PRPF31: variants seen among roughly 807,000 people sequenced by gnomAD.
PRPF31 encodes U4/U6 small nuclear ribonucleoprotein Prp31.
A neutral mutation model predicts 60.4 loss-of-function variants in PRPF31; 12 were observed. The ratio of observed to expected loss-of-function variants is 0.20; its 90% CI spans 0.13 to 0.32. The LOEUF is 0.32. Among genes scored for constraint, PRPF31 ranks in the 10% least tolerant of loss-of-function variants. PRPF31 has a pLI of 1.00. For missense variants in PRPF31, 431 were observed against 687.1 expected, an observed-to-expected ratio of 0.63 and a Z score of 4.17; for synonymous variants, 287 against 287.9, an observed-to-expected ratio of 1.00 and a Z score of 0.03.
intron 7 of PRPF31, 98 bp downstream of exon 7, chr19:54,124,016 T>C (rs2073859754): frequency 9.5e-6 from 15 of 1,572,208 alleles, no homozygotes; most frequent in African/African-American, 1.3e-5. Context: ...CTTTGGCACC[T>C]GGACCTCAGC....
intron 1 of PRPF31, among the ~76,000 whole-genome samples, chr19:54,117,387 T>C (rs1171170635): frequency 6.6e-6 from 1 of 152,006 alleles, no homozygotes; most frequent in Non-Finnish European, 1.5e-5. Context: ...ACAGGAGTGG[T>C]GCTGGGTACA....
chr19:54,126,536 G>A lies in PRPF31; in HGVS notation c.864G>A (p.Arg288=). The A allele has an allele frequency of 6.2e-7, 1 of 1,613,274 alleles. No homozygotes were observed. Among genetic ancestry groups the A allele is most frequent in the Non-Finnish European group, 8.5e-7 (1 of 1,179,706 alleles). ...GTTTTCCGTTGCTCCAGGATCTGCG[G>A]CGGAAAGCGGCCCGGCTGGTGGCCG... ...DIVQSLPPDL[R]RKAARLVAAK... Residue 288 remains arginine (R), a synonymous_variant, in exon 9 of 14, where the codon CGG becomes CGA. Coordinates refer to ENST00000321030, the MANE Select transcript of PRPF31 (RefSeq NM_015629.4).
intron 13 of PRPF31, 50 bp downstream of exon 13, chr19:54,129,420 C>G: frequency 1.3e-6 from 2 of 1,535,210 alleles, no homozygotes; most frequent in Non-Finnish European, 1.8e-6. Context: ...CTTGGCAAGG[C>G]CCCTTGCCCT....
chr19:54,130,475 CTT>C (rs2074025113), intron 13 of PRPF31, among the ~76,000 whole-genome samples: 1 of 152,016 alleles, frequency 6.6e-6, no homozygotes, highest in Non-Finnish European at 1.5e-5. Context: ...AATACAAAAA[CTT>C]AGCCGGGCGT....
At chr19:54,129,429 C>T (rs2074002355) in intron 13 of PRPF31, 59 bp downstream of exon 13, 1 of 1,520,864 alleles carries the variant, frequency 6.6e-7, no homozygotes, top group Non-Finnish European at 8.9e-7. Flanking sequence ...GCCCCTTGCC[C>T]TCTGCCCCTG....
At chr19:54,120,149 G>T (rs2073751547) in intron 3 of PRPF31, 1 of 152,330 alleles carries the variant, frequency 6.6e-6, no homozygotes, top group African/African-American at 2.4e-5. Flanking sequence ...GGGGGCCCAG[G>T]GAAAGACAGC....
At position 54,119,056 on chromosome 19, in the gene PRPF31, G is replaced by C. The variant is rs587673772; in HGVS notation, c.238+423G>C. ...ACTGGTATCATTTGGCAAAGACAAAGTCACTGTATAAAAATAGATATATAA... is the reference window on the plus strand; with the variant it reads ...ACTGGTATCATTTGGCAAAGACAAACTCACTGTATAAAAATAGATATATAA... On this transcript the variant is annotated intron_variant, in intron 3 of 13. Transcript: ENST00000321030. Among the ~76,000 whole-genome samples the C allele has an allele frequency of 2.6e-5, 4 of 152,130 alleles. No individual in the cohort carries two copies. The South Asian group carries it at 8.3e-4, about 32-fold the overall frequency.
chr19:54,124,121 T>G (rs1386359298), intron 7 of PRPF31: 2 of 1,135,238 alleles, frequency 1.8e-6, no homozygotes, highest in Non-Finnish European at 2.4e-6. Context: ...TCCTTCTCCC[T>G]CCCCTGTGCC....
chr19:54,117,573 G>A (rs587761733), intron 1 of PRPF31, among the ~76,000 whole-genome samples: 3 of 152,146 alleles, frequency 2.0e-5, no homozygotes, highest in South Asian at 2.1e-4. Context: ...GCGGCGAGGC[G>A]CGGTGGCTTA....
At position 54,115,811 on chromosome 19, in the gene PRPF31, G is replaced by A. The variant is rs4806711; in HGVS notation, c.-9+14G>A. On this transcript the variant is annotated intron_variant, in intron 1 of 13. Transcript: ENST00000321030. ...CGGAGAGGAGAGGTGAGTGTGATGG[G>A]GACCACGGGGAGCGGGAGGCTGGGC... is the stretch of plus-strand genomic sequence containing the variant. 179,586 of 219,942 alleles carry A rather than the reference G, an allele frequency of 0.82. 73,513 individuals carry two copies. The highest frequency in any genetic ancestry group is 0.88 in the African/African-American group (39,304 of 44,418). The allele number at this position is 219,942 out of a possible 1,614,324, so 13.6% of individuals were successfully genotyped here. A position where few individuals can be genotyped will look rare whatever the true frequency, so the allele number is the denominator to read the frequency against.
intron 13 of PRPF31, 125 bp from the exon 14 acceptor site, chr19:54,131,182 A>G: frequency 1.5e-6 from 2 of 1,371,276 alleles, no homozygotes; most frequent in Admixed American, 1.7e-5. Context: ...CTCCAGGGAC[A>G]GGCAAACTGT....
At chr19:54,119,149 G>A (rs2073725203) in intron 3 of PRPF31, among the ~76,000 whole-genome samples, 1 of 152,080 alleles carries the variant, frequency 6.6e-6, no homozygotes, top group Admixed American at 6.6e-5. Flanking sequence ...TTGGGAGGCG[G>A]AGGCAGGTGG....
chr19:54,129,599 A>C (rs1448421538), intron 13 of PRPF31, among the ~76,000 whole-genome samples: 1 of 141,868 alleles, frequency 7.0e-6, no homozygotes, highest in East Asian at 2.1e-4. Context: ...CTTTAGAACC[A>C]GGCCCACAGC....
chr19:54,129,484 G>A lies in PRPF31; in HGVS notation c.1374+114G>A, dbSNP rs2074003270. ...TCTCCTCATGGGGCTGTTGTGGAGG[G>A]TGTGGTGACGAGGTATGCAGAGGAC... On this transcript the variant is annotated intron_variant, in intron 13 of 13. Coordinates refer to ENST00000321030, the MANE Select transcript of PRPF31 (RefSeq NM_015629.4). The A allele has an allele frequency of 6.9e-6, 9 of 1,304,600 alleles. No homozygotes were observed. The East Asian group carries it at 7.6e-5, about 11-fold the overall frequency. The allele number at this position is 1,304,600 out of a possible 1,614,324, so 80.8% of individuals were successfully genotyped here.
Position 54,124,542 on chromosome 19 carries a change from C to T in PRPF31, c.741C>T (p.Cys247=). The T allele has an allele frequency of 6.2e-7, 1 of 1,612,076 alleles. No individual in the cohort carries two copies. Among genetic ancestry groups the T allele is most frequent in the Non-Finnish European group, 8.5e-7 (1 of 1,179,740 alleles). ...CCAACCTCTCCAAGATGCCCGCCTG[C>T]AACATCATGCTGCTCGGGGCCCAGC... ...GLTNLSKMPA[C]NIMLLGAQRK... Residue 247 remains cysteine, a synonymous_variant, in exon 8 of 14, where the codon TGC becomes TGT. Transcript: ENST00000321030.
chr19:54,123,188 G>C (rs2073835336), intron 5 of PRPF31: 1 of 584,172 alleles, frequency 1.7e-6, no homozygotes, highest in Non-Finnish European at 3.1e-6. Context: ...CCAGAGGCTT[G>C]TGAGGCCACA....
At chr19:54,118,219 G>C in intron 1 of PRPF31, 52 bp from the exon 2 acceptor site, 1 of 1,611,798 alleles carries the variant, frequency 6.2e-7, no homozygotes, top group Non-Finnish European at 8.5e-7. Flanking sequence ...TCAGTAATAA[G>C]GAGGGACTTT....
intron 1 of PRPF31, 54 bp from the exon 2 acceptor site, chr19:54,118,217 A>G: frequency 6.2e-7 from 1 of 1,611,584 alleles, no homozygotes; most frequent in Non-Finnish European, 8.5e-7. Flanking sequence ...GCTCAGTAAT[A>G]AGGAGGGACT....
chr19:54,126,027 C>G (rs587673734), intron 8 of PRPF31, among the ~76,000 whole-genome samples: 1 of 152,232 alleles, frequency 6.6e-6, no homozygotes, highest in Non-Finnish European at 1.5e-5. Flanking sequence ...GGCTGGCCAT[C>G]GCTTCACTGT....
Sources: gnomAD v4.1 joint callset for allele counts (sites outside exome capture counted in the v4.1 genomes callset) on GRCh38, gnomAD v4.1.1 for gene constraint, MANE v1.5 for transcripts, NCBI Gene and HGNC (gene_info 2026-07-23, HGNC 2026-07-21) for gene names.